The following PPARD variants were observed in gnomAD, a reference collection of about 807,000 sequenced individuals.
PPARD encodes the protein peroxisome proliferator activated receptor delta.
In PPARD, 6 loss-of-function variants were observed where a neutral mutation model predicts 39.5. The ratio of observed to expected loss-of-function variants is 0.15; its 90% CI spans 0.08 to 0.30. PPARD has a LOEUF of 0.30. Ranked by LOEUF, PPARD falls within the 10% of genes least tolerant of loss-of-function variation. The probability of loss-of-function intolerance (pLI) is 1.00; values close to 1 mark genes in which losing one functional copy is unlikely to be tolerated. For missense variants in PPARD, 397 were observed against 596.8 expected, an observed-to-expected ratio of 0.67 and a Z score of 3.49; for synonymous variants, 210 against 231.3, an observed-to-expected ratio of 0.91 and a Z score of 0.83.
At chr6:35,360,301 G>A (rs1199205496) in intron 2 of PPARD, among the ~76,000 whole-genome samples, 2 of 152,186 alleles carry the variant, frequency 1.3e-5, no homozygotes, top group Admixed American at 6.5e-5. Context: ...GTCTGGTGAA[G>A]TGAAAAGAGA....
At position 35,424,801 on chromosome 6, in the gene PPARD, G is replaced by A. The variant is rs180784946; in HGVS notation, c.1078+22G>A. ...GGAGGTGAGTGAGAGTGGGGCAGGT[G>A]GGCTGGCCTGGCACACCCAGTCGTC... On this transcript the variant is annotated intron_variant, in intron 7 of 7. Coordinates refer to ENST00000360694, the MANE Select transcript of PPARD (RefSeq NM_006238.5). This position sits in a 1 kb window ranked among gnomAD's most constrained non-coding sequence, Gnocchi z 7.1. 3.6e-3 allele frequency: 5,790 copies of A among 1,607,034 alleles called. 31 individuals carry two copies. Among genetic ancestry groups the A allele is most frequent in the Middle Eastern group, 6.4e-3 (36 of 5,628 alleles).
In PPARD at chr6:35,425,336, T is replaced by A. The variant is rs1455086554; in HGVS notation, c.1079-496T>A. On this transcript the variant is annotated intron_variant, in intron 7 of 7. Transcript: ENST00000360694. The surrounding 1 kb of genome is among the most constrained non-coding windows in gnomAD (Gnocchi z 4.5). Reference sequence around the variant, plus strand: ...ATGTTAATGTGGGGTGGAAAAATTGTCTGCATTTTTTCTGCATTTTTAAAA... The same window carrying A: ...ATGTTAATGTGGGGTGGAAAAATTGACTGCATTTTTTCTGCATTTTTAAAA... 2 of 1,004,490 alleles carry A rather than the reference T, an allele frequency of 2.0e-6. No individual in the cohort carries two copies. The highest frequency in any genetic ancestry group is 1.8e-5 in the African/African-American group (1 of 57,110). The allele number at this position is 1,004,490 out of a possible 1,614,324, so 62.2% of individuals were successfully genotyped here. A position where few individuals can be genotyped will look rare whatever the true frequency, so the allele number is the denominator to read the frequency against.
chr6:35,387,716 C>CTTTTTTTTTT (rs61314141), intron 2 of PPARD, among the ~76,000 whole-genome samples: 2 of 89,316 alleles, frequency 2.2e-5, no homozygotes, highest in African/African-American at 5.0e-5. Context: ...ACACTGCATT[C>CTTTTTTTTTT]TTTTTTTTTT....
intron 2 of PPARD, among the ~76,000 whole-genome samples, chr6:35,354,253 A>AAAG (rs1430804249): frequency 6.7e-6 from 1 of 149,412 alleles, no homozygotes; most frequent in Non-Finnish European, 1.5e-5. Context: ...AAAAAAAAAA[A>AAAG]GCGATACACA....
chr6:35,357,726 G>A (rs1428104700), intron 2 of PPARD, among the ~76,000 whole-genome samples: 1 of 151,970 alleles, frequency 6.6e-6, no homozygotes, highest in East Asian at 1.9e-4. Flanking sequence ...TAGTAGAGAC[G>A]GGATTTCACT....
chr6:35,387,090 G>A (rs771532988), intron 2 of PPARD, among the ~76,000 whole-genome samples: 1 of 152,070 alleles, frequency 6.6e-6, no homozygotes, highest in Non-Finnish European at 1.5e-5. Flanking sequence ...AGGGCCCTGG[G>A]CCCCTTATTT....
chr6:35,373,566 C>T (rs1388020575), intron 2 of PPARD, among the ~76,000 whole-genome samples: 1 of 152,220 alleles, frequency 6.6e-6, no homozygotes, highest in Non-Finnish European at 1.5e-5. Flanking sequence ...GTTCTTTGAA[C>T]TCCATAGCTG....
rs2150866406 is a variant in PPARD, at chr6:35,425,457, A to C, written c.1079-375A>C. ...CTGTTCTTTTCATCGATGATGACTC[A>C]CTTGATCCTCACAACAACCCTGTGC... On this transcript the variant is annotated intron_variant, in intron 7 of 7. Coordinates refer to ENST00000360694, the MANE Select transcript of PPARD (RefSeq NM_006238.5). This position sits in a 1 kb window ranked among gnomAD's most constrained non-coding sequence, Gnocchi z 4.5. The C allele has an allele frequency of 9.4e-7, 1 of 1,067,412 alleles. No homozygotes were observed. The highest frequency in any genetic ancestry group is 4.1e-4 in the Middle Eastern group (1 of 2,440). The allele number at this position is 1,067,412 out of a possible 1,614,324, so 66.1% of individuals were successfully genotyped here.
intron 3 of PPARD, among the ~76,000 whole-genome samples, chr6:35,419,129 T>C (rs1357052060): frequency 6.6e-6 from 1 of 152,210 alleles, no homozygotes; most frequent in South Asian, 2.1e-4. Context: ...TCAAAATGGC[T>C]GATTCTCTGG....
At position 35,420,143 on chromosome 6, in the gene PPARD, C is replaced by T. The variant is rs1439896757; in HGVS notation, c.147C>T (p.Ser49=). ...TGTCCGCAGACCTCTCCCGGAGCTC[C>T]TCGCCACCCTCACTGCTGGACCAAC... is the stretch of plus-strand genomic sequence containing the variant. ...SSSYTDLSRS[S]SPPSLLDQLQ... The change falls in exon 4 of 8, where the codon TCC becomes TCT. Residue 49 remains serine (S), a synonymous_variant. Transcript: ENST00000360694. The T allele has an allele frequency of 6.2e-7, 1 of 1,613,192 alleles. No homozygotes were observed. The highest frequency in any genetic ancestry group is 2.2e-5 in the East Asian group (1 of 44,854).
chr6:35,407,875 A>G (rs941556487), intron 2 of PPARD, among the ~76,000 whole-genome samples: 3 of 150,840 alleles, frequency 2.0e-5, no homozygotes, highest in African/African-American at 4.9e-5. Context: ...TTTTTCCAGT[A>G]TTGTGGCCAA....
At position 35,352,177 on chromosome 6, in the gene PPARD, T is replaced by G. The variant is rs959268050; in HGVS notation, c.-102+5027T>G. 2.4e-4 allele frequency among the ~76,000 whole-genome samples: 36 copies of G among 151,444 alleles called. 1 individual carries two copies. Among genetic ancestry groups the G allele is most frequent in the African/African-American group, 8.3e-4 (34 of 41,144 alleles). Reference sequence around the variant, plus strand: ...TGAGCCACTGTGCCCAGCCAGTTCTTTTTTGTTTTGTTTTGTTTTGTTTTG... The same window carrying G: ...TGAGCCACTGTGCCCAGCCAGTTCTGTTTTGTTTTGTTTTGTTTTGTTTTG... On this transcript the variant is annotated intron_variant, in intron 2 of 7. Transcript: ENST00000360694.
intron 2 of PPARD, among the ~76,000 whole-genome samples, chr6:35,394,125 C>T (rs755262844): frequency 2.0e-5 from 3 of 152,328 alleles, no homozygotes; most frequent in Admixed American, 6.5e-5. Flanking sequence ...TTCTCCCTTC[C>T]CTCCTGTTCT....
chr6:35,402,968 G>A (rs974936903), intron 2 of PPARD, among the ~76,000 whole-genome samples: 1 of 152,196 alleles, frequency 6.6e-6, no homozygotes, highest in Non-Finnish European at 1.5e-5. Flanking sequence ...CCCTTATTCC[G>A]TTGCAGTATG....
chr6:35,422,791 G>A (rs974605039), intron 5 of PPARD, among the ~76,000 whole-genome samples: 1 of 152,100 alleles, frequency 6.6e-6, no homozygotes, highest in Non-Finnish European at 1.5e-5. Flanking sequence ...CTAACTCCAG[G>A]AGAAGTCGAA....
chr6:35,400,722 C>A (rs1764647601), intron 2 of PPARD, among the ~76,000 whole-genome samples: 1 of 151,902 alleles, frequency 6.6e-6, no homozygotes. Flanking sequence ...ATCACCTGAT[C>A]CTAGGAAATC....
chr6:35,397,031 A>C (rs963718385), intron 2 of PPARD, among the ~76,000 whole-genome samples: 2 of 152,056 alleles, frequency 1.3e-5, no homozygotes, highest in African/African-American at 4.8e-5. Flanking sequence ...AGGCCTCCAG[A>C]GGCAATTTCC....
chr6:35,425,458 C>T lies in PPARD; in HGVS notation c.1079-374C>T. 9 of 1,068,746 alleles carry T rather than the reference C, an allele frequency of 8.4e-6. No homozygotes were observed. The highest frequency in any genetic ancestry group is 1.0e-5 in the Non-Finnish European group (9 of 864,092). The allele number at this position is 1,068,746 out of a possible 1,614,324, so 66.2% of individuals were successfully genotyped here. ...TGTTCTTTTCATCGATGATGACTCACTTGATCCTCACAACAACCCTGTGCA... is the reference window on the plus strand; with the variant it reads ...TGTTCTTTTCATCGATGATGACTCATTTGATCCTCACAACAACCCTGTGCA... On this transcript the variant is annotated intron_variant, in intron 7 of 7. Transcript: ENST00000360694. The surrounding 1 kb of genome is among the most constrained non-coding windows in gnomAD (Gnocchi z 4.5).
chr6:35,417,243 A>G (rs894179771), intron 3 of PPARD, among the ~76,000 whole-genome samples: 1 of 151,392 alleles, frequency 6.6e-6, no homozygotes, highest in Non-Finnish European at 1.5e-5. Context: ...GGCTCAAGTG[A>G]TCCTCCCGCC....
Sources: gnomAD v4.1 joint callset for allele counts (sites outside exome capture counted in the v4.1 genomes callset) on GRCh38, gnomAD v4.1.1 for gene constraint, Gnocchi (gnomAD v3.1) non-coding constraint, MANE v1.5 for transcripts, NCBI Gene and HGNC (gene_info 2026-07-23, HGNC 2026-07-21) for gene names.